Variants in SPOCK2 observed in about 807,000 individuals in gnomAD.
The protein encoded by SPOCK2 is testican-2.
SPOCK2 carries 39 observed loss-of-function variants against 60.1 expected under a neutral mutation model. That is an observed-to-expected ratio of 0.65 (90% CI 0.50 to 0.85). The LOEUF is 0.85. Ranked by LOEUF, SPOCK2 falls within the 40% of genes least tolerant of loss-of-function variation. SPOCK2 has a pLI of 0.00. For missense variants in SPOCK2, 523 were observed against 567.4 expected (o/e 0.92, Z 0.80); for synonymous variants, 217 against 231.5 (o/e 0.94, Z 0.57).
intron 1 of SPOCK2, 116 bp from the exon 2 acceptor site, chr10:72,073,026 T>G (rs149065347): frequency 9.7e-6 from 14 of 1,443,134 alleles, no homozygotes; most frequent in Non-Finnish European, 1.3e-5. Context: ...TGCCTCATCA[T>G]GTGGCCGAGC....
Position 72,087,322 on chromosome 10 carries a change from A to G in SPOCK2, c.189+818T>C, listed in dbSNP as rs1840873987. Reference sequence around the variant, plus strand: ...CCCCCACCCCGCGGAGTTCGGCCCAAGGTTACGCCGGGGTTCGGGCGGCGC... The same window carrying G: ...CCCCCACCCCGCGGAGTTCGGCCCAGGGTTACGCCGGGGTTCGGGCGGCGC... On this transcript the variant is annotated intron_variant, in intron 1 of 10. Transcript: ENST00000373109. This position sits in a 1 kb window ranked among gnomAD's most constrained non-coding sequence, Gnocchi z 4.7. 6.6e-6 allele frequency among the ~76,000 whole-genome samples: 1 copy of G among 151,826 alleles called. No homozygotes were observed. The highest frequency in any genetic ancestry group is 6.5e-5 in the Admixed American group (1 of 15,268).
At chr10:72,074,643 C>T (rs1840691257) in intron 1 of SPOCK2, among the ~76,000 whole-genome samples, 1 of 152,208 alleles carries the variant, frequency 6.6e-6, no homozygotes, top group Admixed American at 6.5e-5. Flanking sequence ...GTTTCACACT[C>T]GAGGCTCTCC....
At chr10:72,068,419 AT>A in intron 5 of SPOCK2, 118 bp from the exon 6 acceptor site, 1 of 1,082,108 alleles carries the variant, frequency 9.2e-7, no homozygotes, top group Non-Finnish European at 1.3e-6. Context: ...TGGAGTGCCC[AT>A]GAACAGCCTG....
chr10:72,064,321 C>A (rs565731171), intron 8 of SPOCK2, 81 bp from the exon 9 acceptor site: 2 of 1,409,982 alleles, frequency 1.4e-6, no homozygotes, highest in Admixed American at 2.8e-5. Flanking sequence ...GCTTAGAGAC[C>A]CAGGCAGGGG....
chr10:72,064,422 ACT>A (rs957627695), intron 8 of SPOCK2, among the ~76,000 whole-genome samples, 182 bp from the exon 9 acceptor site: 3 of 152,120 alleles, frequency 2.0e-5, no homozygotes, highest in South Asian at 2.1e-4. Flanking sequence ...GAAAACGCTC[ACT>A]CTCTATTTAG....
At chr10:72,079,245 T>C (rs1227020308) in intron 1 of SPOCK2, among the ~76,000 whole-genome samples, 1 of 152,158 alleles carries the variant, frequency 6.6e-6, no homozygotes, top group Non-Finnish European at 1.5e-5. Context: ...TGTTAGCTGA[T>C]GAAAAAAGTC....
chr10:72,067,541 C>T, intron 7 of SPOCK2, 72 bp downstream of exon 7: 1 of 1,592,766 alleles, frequency 6.3e-7, no homozygotes, highest in Non-Finnish European at 8.5e-7. Context: ...CAGACTGGCC[C>T]AGCATACACC....
In SPOCK2 at chr10:72,086,933, A is replaced by G. The variant is rs373924908; in HGVS notation, c.189+1207T>C. The G allele has an allele frequency of 1.9e-6, 3 of 1,551,516 alleles. No individual in the cohort carries two copies. The African/African-American group carries it at 4.1e-5, about 21-fold the overall frequency. On this transcript the variant is annotated intron_variant, in intron 1 of 10. Transcript: ENST00000373109. ...ACTTGTGGATGCACGCAGTTTAAGG[A>G]GAAAACGGGAGAGGTCATGGTGTGG...
intron 1 of SPOCK2, among the ~76,000 whole-genome samples, chr10:72,084,088 G>A (rs1245551): frequency 0.55 from 83,620 of 151,908 alleles, 25,225 homozygotes; most frequent in African/African-American, 0.81. Context: ...CAGGATCATG[G>A]TGAAGTCCCT....
rs766378093 is a variant in SPOCK2, at chr10:72,062,730, TC to T, written c.*29del. On this transcript the variant is annotated 3_prime_UTR_variant, in exon 11 of 11. Transcript: ENST00000373109. This position sits in a 1 kb window ranked among gnomAD's most constrained non-coding sequence, Gnocchi z 4.3. ...TGCTGCTCAGAGCTCTGCTGTTGAG[TC>T]CCCCCCGGCAGCCGGCTCCTGAGGG... 3.7e-5 allele frequency: 58 copies of T among 1,582,222 alleles called. No individual in the cohort carries two copies. Among genetic ancestry groups the T allele is most frequent in the Admixed American group, 9.2e-5 (5 of 54,092 alleles).
intron 1 of SPOCK2, chr10:72,086,506 G>C (rs1840856550): frequency 1.8e-6 from 2 of 1,106,838 alleles, no homozygotes; most frequent in Non-Finnish European, 2.2e-6. Context: ...GGGAGGCCTA[G>C]GCCAGTGACA....
Position 72,063,290 on chromosome 10 carries a change from C to T in SPOCK2, c.992-128G>A. ...CCCCAGAGCCCAGCCAGACCGGGTG[C>T]TGACCCCCCAACAGGCCCAGATGCT... On this transcript the variant is annotated intron_variant, in intron 9 of 10. Transcript: ENST00000373109. 6 of 1,362,836 alleles carry T rather than the reference C, an allele frequency of 4.4e-6. No individual in the cohort carries two copies. In the South Asian group the frequency reaches 7.1e-5, roughly 16 times the overall value. 84.4% of individuals were successfully genotyped at this position (1,362,836 alleles called of 1,614,324 possible).
At position 72,059,317 on chromosome 10, in the gene SPOCK2, A is replaced by G. The variant is rs981284158; in HGVS notation, c.*3443T>C. ...TTAAAAGACATCTAAAATTACTGAGAGATACAATTTCAGCAGTTAAATCTA... is the reference window on the plus strand; with the variant it reads ...TTAAAAGACATCTAAAATTACTGAGGGATACAATTTCAGCAGTTAAATCTA... On this transcript the variant is annotated 3_prime_UTR_variant, in exon 11 of 11. Coordinates refer to ENST00000373109, the MANE Select transcript of SPOCK2 (RefSeq NM_001244950.2). The G allele has an allele frequency of 6.6e-6, 1 of 152,556 alleles. No individual in the cohort carries two copies. Among genetic ancestry groups the G allele is most frequent in the African/African-American group, 2.4e-5 (1 of 41,454 alleles). 9.5% of individuals were successfully genotyped at this position (152,556 alleles called of 1,614,324 possible).
At position 72,086,718 on chromosome 10, in the gene SPOCK2, G is replaced by C. The variant is rs908299842; in HGVS notation, c.189+1422C>G. The C allele has an allele frequency of 9.4e-6, 13 of 1,380,616 alleles. No homozygotes were observed. In the African/African-American group the frequency reaches 1.6e-4, roughly 17 times the overall value. The allele number at this position is 1,380,616 out of a possible 1,614,324, so 85.5% of individuals were successfully genotyped here. ...AGATCAGCAGCCCATCGCGGGGCCC[G>C]GCCACTCAGCCTGGAGACCTGGCTG... On this transcript the variant is annotated intron_variant, in intron 1 of 10. Coordinates refer to ENST00000373109, the MANE Select transcript of SPOCK2 (RefSeq NM_001244950.2).
intron 1 of SPOCK2, among the ~76,000 whole-genome samples, chr10:72,077,999 T>G (rs147808527): frequency 3.0e-4 from 45 of 152,262 alleles, no homozygotes; most frequent in African/African-American, 9.6e-4. Flanking sequence ...CCGGTCTCTC[T>G]CTCTTTGAAA....
rs761452363 is a variant in SPOCK2, at chr10:72,068,257, C to A, written c.519G>T (p.Ala173=). ...QQACLSSKQL[A]VRCEGPCPCP... The stretch of plus-strand genomic sequence containing the variant: ...AGGGGCAGGGGCCCTCGCATCGCAC[C>A]GCCAGCTGCTTGCTGCTCAGGCACG... Residue 173 remains alanine (A), a synonymous_variant, in exon 6 of 11, where the codon GCG becomes GCT. Transcript: ENST00000373109. The A allele has an allele frequency of 6.2e-7, 1 of 1,612,084 alleles. No homozygotes were observed. Among genetic ancestry groups the A allele is most frequent in the Admixed American group, 1.7e-5 (1 of 59,808 alleles).
At chr10:72,086,422 T>TA (rs1840855369) in intron 1 of SPOCK2, 3 of 1,031,854 alleles carry the variant, frequency 2.9e-6, no homozygotes, top group Non-Finnish European at 3.5e-6. Flanking sequence ...CCTTTCCTGT[T>TA]CTGATTAAGC....
At chr10:72,083,192 T>C (rs1440876476) in intron 1 of SPOCK2, among the ~76,000 whole-genome samples, 1 of 152,214 alleles carries the variant, frequency 6.6e-6, no homozygotes, top group African/African-American at 2.4e-5. Context: ...TGGTCACAGG[T>C]ACTTTCTCTG....
chr10:72,072,033 T>C, intron 4 of SPOCK2, 111 bp downstream of exon 4: 4 of 850,388 alleles, frequency 4.7e-6, no homozygotes, highest in Non-Finnish European at 6.8e-6. Flanking sequence ...GCACTAAGTT[T>C]TACAATTTAT....
Sources: allele counts gnomAD v4.1 joint callset (sites outside exome capture counted in the v4.1 genomes callset), GRCh38; gene constraint gnomAD v4.1.1; non-coding constraint Gnocchi (gnomAD v3.1); transcripts MANE v1.5; gene names NCBI Gene and HGNC (gene_info 2026-07-23, HGNC 2026-07-21).